Variants in ZNF566 observed in about 807,000 individuals in gnomAD.
The protein encoded by ZNF566 is zinc finger protein 566.
Under a neutral mutation model 32.8 loss-of-function variants are expected in ZNF566, and 27 were observed. The observed-to-expected ratio is 0.82, with a 90% CI of 0.61 to 1.14. The LOEUF (loss-of-function observed/expected upper bound fraction) is 1.14. Ranked by LOEUF, ZNF566 falls within the 50% of genes most tolerant of loss-of-function variation. ZNF566 has a pLI of 0.00. For missense variants in ZNF566, 402 were observed against 490.4 expected (o/e 0.82, Z 1.70); for synonymous variants, 154 against 159.5 (o/e 0.97, Z 0.26).
intron 1 of ZNF566, among the ~76,000 whole-genome samples, chr19:36,481,600 C>T (rs937690362): frequency 6.6e-6 from 1 of 151,768 alleles, no homozygotes. Flanking sequence ...CAGACATGCT[C>T]ATACACAGCA....
At chr19:36,477,526 G>GTTTTT (rs767741591) in intron 1 of ZNF566, among the ~76,000 whole-genome samples, 2,679 of 106,536 alleles carry the variant, frequency 0.025, 420 homozygotes, top group Non-Finnish European at 0.032. Flanking sequence ...TTCTGTTTCT[G>GTTTTT]TTTTTTTTTT....
intron 2 of ZNF566, among the ~76,000 whole-genome samples, chr19:36,474,982 C>T (rs2033849171): frequency 6.6e-6 from 1 of 152,164 alleles, no homozygotes; most frequent in African/African-American, 2.4e-5. Context: ...TGTAAATTCC[C>T]CTTATAACTA....
chr19:36,485,637 G>A (rs1600185016), intron 1 of ZNF566, among the ~76,000 whole-genome samples: 2 of 151,084 alleles, frequency 1.3e-5, no homozygotes, highest in East Asian at 2.0e-4. Context: ...TGGCAGGTGC[G>A]TGTAATCCCA....
intron 4 of ZNF566, among the ~76,000 whole-genome samples, chr19:36,459,661 C>T (rs2033409583): frequency 6.6e-6 from 1 of 151,204 alleles, no homozygotes; most frequent in Non-Finnish European, 1.5e-5. Flanking sequence ...CAGGCATGCG[C>T]CACCACGCCC....
At chr19:36,474,630 G>T (rs766001487) in intron 2 of ZNF566, among the ~76,000 whole-genome samples, 15 of 152,114 alleles carry the variant, frequency 9.9e-5, no homozygotes, top group Non-Finnish European at 2.2e-4. Flanking sequence ...AAGAGTTGAG[G>T]GCAGTGGCCT....
intron 4 of ZNF566, among the ~76,000 whole-genome samples, chr19:36,457,037 C>T (rs2033333372): frequency 6.6e-6 from 1 of 152,130 alleles, no homozygotes; most frequent in African/African-American, 2.4e-5. Context: ...ACGGCACTGG[C>T]ATAAAAATAG....
chr19:36,472,515 C>T (rs1332152145), intron 4 of ZNF566, among the ~76,000 whole-genome samples: 1 of 152,032 alleles, frequency 6.6e-6, no homozygotes, highest in Non-Finnish European at 1.5e-5. Flanking sequence ...GGCATAAACC[C>T]CTATCCCAAA....
intron 4 of ZNF566, among the ~76,000 whole-genome samples, chr19:36,453,109 C>A (rs765128698): frequency 4.2e-4 from 62 of 149,334 alleles, no homozygotes; most frequent in Non-Finnish European, 7.7e-4. Context: ...CAGAGCAAGA[C>A]TCTGTCTCAA....
At chr19:36,487,131 C>CAAAA (rs2034187865) in intron 1 of ZNF566, among the ~76,000 whole-genome samples, 1 of 145,170 alleles carries the variant, frequency 6.9e-6, no homozygotes, top group Non-Finnish European at 1.5e-5. Context: ...ACAAAACAAA[C>CAAAA]CAAAACAAAA....
chr19:36,448,878 G>T lies in ZNF566; in HGVS notation c.*99C>A. 1 of 1,014,188 alleles carries T rather than the reference G, an allele frequency of 9.9e-7. No individual in the cohort carries two copies. The highest frequency in any genetic ancestry group is 1.4e-6 in the Non-Finnish European group (1 of 719,794). 62.8% of individuals were successfully genotyped at this position (1,014,188 alleles called of 1,614,324 possible). A position where few individuals can be genotyped will look rare whatever the true frequency, so the allele number is the denominator to read the frequency against. On this transcript the variant is annotated 3_prime_UTR_variant, in exon 5 of 5. Transcript: ENST00000452939. ...ATAAGCTGTAGTCCACAAATAAAAT[G>T]TTTCTACATTATTCTATCTAGAGGA... is the stretch of plus-strand genomic sequence containing the variant.
chr19:36,459,131 A>T (rs1444600693), intron 4 of ZNF566, among the ~76,000 whole-genome samples: 3 of 152,234 alleles, frequency 2.0e-5, no homozygotes, highest in Non-Finnish European at 4.4e-5. Flanking sequence ...AGAAAATAAT[A>T]AGTCATAGGG....
At chr19:36,489,120 G>C (rs1263745776) in intron 1 of ZNF566, among the ~76,000 whole-genome samples, 1 of 152,096 alleles carries the variant, frequency 6.6e-6, no homozygotes, top group African/African-American at 2.4e-5. Context: ...GTTACTCGCA[G>C]GTATCCCCAC....
chr19:36,464,001 CAGG>C (rs1286967254), intron 4 of ZNF566, among the ~76,000 whole-genome samples: 1 of 152,014 alleles, frequency 6.6e-6, no homozygotes, highest in Non-Finnish European at 1.5e-5. Context: ...GTTGGGATTA[CAGG>C]TATGAGCCAC....
At chr19:36,457,338 CA>C (rs1239530006) in intron 4 of ZNF566, among the ~76,000 whole-genome samples, 1 of 152,088 alleles carries the variant, frequency 6.6e-6, no homozygotes, top group Non-Finnish European at 1.5e-5. Flanking sequence ...ACATCAAACT[CA>C]AAAGCTTCTG....
intron 1 of ZNF566, among the ~76,000 whole-genome samples, chr19:36,482,719 A>G (rs1017026699): frequency 1.3e-5 from 2 of 152,238 alleles, no homozygotes; most frequent in African/African-American, 4.8e-5. Flanking sequence ...ATTGATTCTG[A>G]GAAGCAGGTT....
rs748185742 is a variant in ZNF566 at position 36,449,474 on chromosome 19, G to A, written c.760C>T (p.Pro254Ser). The change falls in exon 5 of 5, where the codon CCC (proline) becomes TCC (serine). Residue 254 changes from proline to serine, a missense_variant. Physicochemically the swap from Pro to Ser is moderately conservative, Grantham distance 74. Transcript: ENST00000452939. The part of the protein sequence containing the change: ...RHHRIHTGEK[P>S]YECKECGKAF... ...TTCCCACATTCCTTACATTCATAGG[G>A]TTTCTCACCAGTGTGAATTCTGTGA... The A allele has an allele frequency of 6.2e-7, 1 of 1,614,106 alleles. No individual in the cohort carries two copies. The highest frequency in any genetic ancestry group is 1.1e-5 in the South Asian group (1 of 91,084).
chr19:36,472,098 C>T (rs983210575), intron 4 of ZNF566, among the ~76,000 whole-genome samples: 13 of 152,140 alleles, frequency 8.5e-5, no homozygotes, highest in Admixed American at 3.9e-4. Context: ...GCTGGGCATA[C>T]CATAGTCACT....
In ZNF566 at chr19:36,446,269, CTTTTTTTTT is replaced by C. The variant is rs35019644; in HGVS notation, c.*2699_*2707del. 7.6e-6 allele frequency: 1 copy of C among 131,202 alleles called. No homozygotes were observed. The highest frequency in any genetic ancestry group is 1.6e-5 in the Non-Finnish European group (1 of 61,374). 8.1% of individuals were successfully genotyped at this position (131,202 alleles called of 1,614,324 possible). On this transcript the variant is annotated 3_prime_UTR_variant, in exon 5 of 5. Coordinates refer to ENST00000452939, the MANE Select transcript of ZNF566 (RefSeq NM_001145344.1). ...GGGCAAAGATAATCATTTTTTCTTT[CTTTTTTTTT>C]TTTTTTTTTGAGACAGATTTTTTGA...
At chr19:36,466,104 G>C (rs1454433452) in intron 4 of ZNF566, among the ~76,000 whole-genome samples, 1 of 151,662 alleles carries the variant, frequency 6.6e-6, no homozygotes, top group Non-Finnish European at 1.5e-5. Flanking sequence ...CCAGGAGCAA[G>C]GCATAAGGGG....
Sources: gnomAD v4.1 joint callset for allele counts (sites outside exome capture counted in the v4.1 genomes callset) on GRCh38, gnomAD v4.1.1 for gene constraint, MANE v1.5 for transcripts, NCBI Gene and HGNC (gene_info 2026-07-23, HGNC 2026-07-21) for gene names.